The following CAB39 variants were observed in gnomAD, a reference collection of about 807,000 sequenced individuals.
CAB39 encodes calcium binding protein 39, also known as calcium-binding protein 39.
CAB39 carries 8 observed loss-of-function variants against 40.0 expected under a neutral mutation model. That is an observed-to-expected ratio of 0.20 (90% CI 0.12 to 0.36). CAB39 has a LOEUF of 0.36. Among genes scored for constraint, CAB39 ranks in the 10% least tolerant of loss-of-function variants. CAB39 has a pLI of 1.00. For synonymous variants in CAB39, 156 were observed against 141.6 expected (o/e 1.10, Z -0.72); for missense variants, 270 against 401.1 (o/e 0.67, Z 2.79).
intron 8 of CAB39, 69 bp downstream of exon 8, chr2:230,817,966 G>A (rs771465785): frequency 1.2e-5 from 17 of 1,368,116 alleles, no homozygotes; most frequent in African/African-American, 8.9e-5. Context: ...CGCAAATAAC[G>A]GAAATTATTA....
At chr2:230,721,862 A>G (rs186740136) in intron 1 of CAB39, among the ~76,000 whole-genome samples, 2 of 152,256 alleles carry the variant, frequency 1.3e-5, no homozygotes, top group African/African-American at 4.8e-5. Context: ...TCAAAAGAAC[A>G]CACCCTCCCC....
intron 5 of CAB39, among the ~76,000 whole-genome samples, chr2:230,807,222 A>C (rs2124976664): frequency 6.7e-6 from 1 of 148,684 alleles, no homozygotes; most frequent in Non-Finnish European, 1.5e-5. Context: ...CCCCCCTCCC[A>C]CCCACACTCA....
At chr2:230,790,529 G>C (rs1695875756) in intron 2 of CAB39, among the ~76,000 whole-genome samples, 1 of 152,104 alleles carries the variant, frequency 6.6e-6, no homozygotes, top group African/African-American at 2.4e-5. Flanking sequence ...CATTCTTAGG[G>C]ATCAGCCCAG....
chr2:230,778,128 G>A (rs968740183), intron 2 of CAB39, among the ~76,000 whole-genome samples: 3 of 152,184 alleles, frequency 2.0e-5, no homozygotes, highest in African/African-American at 7.2e-5. Flanking sequence ...ACTTCAGCAT[G>A]TTACTATGTT....
chr2:230,770,300 A>C (rs929157826), intron 2 of CAB39, among the ~76,000 whole-genome samples: 7 of 152,232 alleles, frequency 4.6e-5, no homozygotes, highest in African/African-American at 1.7e-4. Flanking sequence ...TAGTGACATT[A>C]CCACAGATTG....
At chr2:230,758,531 A>G (rs1695233657) in intron 1 of CAB39, among the ~76,000 whole-genome samples, 1 of 152,202 alleles carries the variant, frequency 6.6e-6, no homozygotes, top group Non-Finnish European at 1.5e-5. Flanking sequence ...ATTCATTTGC[A>G]TGTTTTAAAC....
At chr2:230,747,092 C>T (rs560934236) in intron 1 of CAB39, among the ~76,000 whole-genome samples, 4 of 152,212 alleles carry the variant, frequency 2.6e-5, no homozygotes, top group Non-Finnish European at 5.9e-5. Context: ...GTAGCTCATG[C>T]CTGTAATGCC....
chr2:230,807,881 G>A (rs1245810268), intron 5 of CAB39, among the ~76,000 whole-genome samples: 1 of 152,130 alleles, frequency 6.6e-6, no homozygotes, highest in Non-Finnish European at 1.5e-5. Context: ...AGAACAGTGA[G>A]CAGCAAGTTC....
At chr2:230,774,539 A>G (rs1266111006) in intron 2 of CAB39, among the ~76,000 whole-genome samples, 4 of 152,158 alleles carry the variant, frequency 2.6e-5, no homozygotes, top group Middle Eastern at 3.2e-3. Flanking sequence ...TGTGGGGACT[A>G]TTTACGCACT....
intron 5 of CAB39, among the ~76,000 whole-genome samples, chr2:230,801,959 A>T (rs145372880): frequency 1.2e-4 from 18 of 151,810 alleles, no homozygotes; most frequent in Non-Finnish European, 2.4e-4. Flanking sequence ...ATATTTGTAA[A>T]TTTTTTTTTC....
At chr2:230,749,205 C>G (rs550844874) in intron 1 of CAB39, among the ~76,000 whole-genome samples, 6 of 151,952 alleles carry the variant, frequency 3.9e-5, no homozygotes, top group African/African-American at 1.4e-4. Context: ...CATGTTAATG[C>G]ATTGTAATCA....
intron 1 of CAB39, among the ~76,000 whole-genome samples, chr2:230,715,493 A>G (rs1202853874): frequency 6.6e-6 from 1 of 152,186 alleles, no homozygotes; most frequent in Admixed American, 6.5e-5. Flanking sequence ...GATTACTGTC[A>G]TGGCTGGTAT....
chr2:230,726,751 C>T (rs1446623330), intron 1 of CAB39, among the ~76,000 whole-genome samples: 2 of 151,796 alleles, frequency 1.3e-5, no homozygotes, highest in African/African-American at 4.8e-5. Context: ...AAAGGCTAGT[C>T]TTGGTCTTGT....
intron 1 of CAB39, among the ~76,000 whole-genome samples, chr2:230,754,234 G>A (rs904948087): frequency 1.3e-5 from 2 of 151,948 alleles, no homozygotes; most frequent in African/African-American, 4.8e-5. Flanking sequence ...GTGAGGTTTT[G>A]GTGCACCCAT....
intron 5 of CAB39, among the ~76,000 whole-genome samples, chr2:230,803,841 T>G (rs540580175): frequency 4.7e-4 from 72 of 152,274 alleles, no homozygotes; most frequent in African/African-American, 1.7e-3. Flanking sequence ...ATTTATAGAT[T>G]CAATGCCATT....
At chr2:230,749,964 G>C (rs1398134143) in intron 1 of CAB39, among the ~76,000 whole-genome samples, 1 of 152,132 alleles carries the variant, frequency 6.6e-6, no homozygotes, top group Non-Finnish European at 1.5e-5. Context: ...CGCTTTACTA[G>C]CTAGTTTCAT....
At chr2:230,764,825 A>G (rs188667409) in intron 2 of CAB39, among the ~76,000 whole-genome samples, 44 of 152,350 alleles carry the variant, frequency 2.9e-4, no homozygotes, top group Non-Finnish European at 8.8e-5. Flanking sequence ...ATAATCACAC[A>G]AGGGCTTTTC....
At chr2:230,757,541 G>T (rs1449180117) in intron 1 of CAB39, among the ~76,000 whole-genome samples, 1 of 152,106 alleles carries the variant, frequency 6.6e-6, no homozygotes, top group East Asian at 1.9e-4. Flanking sequence ...TTTGGTGGCT[G>T]TACTCTTTCT....
At chr2:230,730,968 C>G (rs1039693870) in intron 1 of CAB39, among the ~76,000 whole-genome samples, 4 of 152,130 alleles carry the variant, frequency 2.6e-5, no homozygotes, top group Non-Finnish European at 5.9e-5. Flanking sequence ...GCATTTTATT[C>G]ATGTTAAAAT....
Sources: gnomAD v4.1 joint callset for allele counts (sites outside exome capture counted in the v4.1 genomes callset) on GRCh38, gnomAD v4.1.1 for gene constraint, MANE v1.5 for transcripts, NCBI Gene and HGNC (gene_info 2026-07-23, HGNC 2026-07-21) for gene names.